Variants in MYO1E observed in about 807,000 individuals in gnomAD.
The protein encoded by MYO1E is unconventional myosin-Ie.
In MYO1E, 68 loss-of-function variants were observed where a neutral mutation model predicts 151.1. That is an observed-to-expected ratio of 0.45 (90% CI 0.37 to 0.55). The LOEUF is 0.55. MYO1E is among the 20% of genes least tolerant of loss of function. The probability of loss-of-function intolerance (pLI) is 0.00; values close to 1 mark genes in which losing one functional copy is unlikely to be tolerated. For missense variants in MYO1E, 1,363 were observed against 1,389.3 expected (o/e 0.98, Z 0.30); for synonymous variants, 601 against 501.7 (o/e 1.20, Z -2.64).
chr15:59,351,940 G>A (rs1468745080), intron 1 of MYO1E, among the ~76,000 whole-genome samples: 7 of 152,142 alleles, frequency 4.6e-5, no homozygotes, highest in African/African-American at 7.2e-5. Context: ...GCTATTGATC[G>A]TCCCCATTCT....
chr15:59,278,144 G>T (rs2080332067), intron 1 of MYO1E, among the ~76,000 whole-genome samples: 1 of 152,222 alleles, frequency 6.6e-6, no homozygotes, highest in South Asian at 2.1e-4. Flanking sequence ...GGTTTGAAAG[G>T]TGATTGGAAG....
chr15:59,256,156 C>A, intron 4 of MYO1E, 128 bp downstream of exon 4: 1 of 703,752 alleles, frequency 1.4e-6, no homozygotes, highest in Non-Finnish European at 2.6e-6. Context: ...AACCTGCTTG[C>A]TACTCAGACA....
chr15:59,153,739 A>C lies in MYO1E; in HGVS notation c.2931T>G (p.Ala977=), dbSNP rs1303778118. The part of the protein sequence containing the change: ...IRNQYVPYPH[A]PGSQRSNQKS... ...TCTGATTGGACCTCTGGCTTCCAGG[A>C]GCATGGGGATATGGCACATACTGGT... Residue 977 remains alanine, a synonymous_variant, in exon 26 of 28, where the codon GCT becomes GCG. Coordinates refer to ENST00000288235, the MANE Select transcript of MYO1E (RefSeq NM_004998.4). 1.2e-5 allele frequency: 19 copies of C among 1,613,978 alleles called. No homozygotes were observed. The highest frequency in any genetic ancestry group is 1.6e-5 in the Non-Finnish European group (19 of 1,180,004).
chr15:59,207,232 G>A (rs1212930642), intron 14 of MYO1E: 3 of 1,614,122 alleles, frequency 1.9e-6, no homozygotes, highest in African/African-American at 2.7e-5. Flanking sequence ...TGATGAACTT[G>A]CCCTTGTGGA....
chr15:59,329,895 A>AG (rs761507224), intron 1 of MYO1E, among the ~76,000 whole-genome samples: 207 of 152,326 alleles, frequency 1.4e-3, no homozygotes, highest in Non-Finnish European at 2.4e-3. Flanking sequence ...TTATTCATGG[A>AG]GGGAAAAAAC....
chr15:59,218,182 CGT>C lies in MYO1E; in HGVS notation c.911-97_911-96del, dbSNP rs764131844. The C allele has an allele frequency of 2.5e-5, 36 of 1,440,116 alleles. No homozygotes were observed. The African/African-American group carries it at 4.3e-4, about 17-fold the overall frequency. 89.2% of individuals were successfully genotyped at this position (1,440,116 alleles called of 1,614,324 possible). A position where few individuals can be genotyped will look rare whatever the true frequency, so the allele number is the denominator to read the frequency against. On this transcript the variant is annotated intron_variant, in intron 9 of 27. Coordinates refer to ENST00000288235, the MANE Select transcript of MYO1E (RefSeq NM_004998.4). Reference sequence around the variant, plus strand: ...ATGGAGGCACTTATGTGCACATGCACGTGTGTGTGCATAGAAGGCACAATCAC... The same window carrying C: ...ATGGAGGCACTTATGTGCACATGCACGTGTGTGCATAGAAGGCACAATCAC...
At chr15:59,295,817 T>G (rs1278533982) in intron 1 of MYO1E, among the ~76,000 whole-genome samples, 2 of 152,160 alleles carry the variant, frequency 1.3e-5, no homozygotes, top group Admixed American at 6.5e-5. Context: ...TGTGCAAATT[T>G]CCGGTCCAGC....
intron 15 of MYO1E, among the ~76,000 whole-genome samples, chr15:59,204,647 T>C (rs1011401515): frequency 6.6e-6 from 1 of 152,152 alleles, no homozygotes; most frequent in Non-Finnish European, 1.5e-5. Context: ...GCAAGGGGGA[T>C]ACCCTCCCTC....
intron 4 of MYO1E, 63 bp from the exon 5 acceptor site, chr15:59,236,735 C>T: frequency 2.2e-6 from 3 of 1,358,514 alleles, no homozygotes; most frequent in Non-Finnish European, 1.1e-6. Flanking sequence ...CCTTCCTTGT[C>T]TCCCCCATCA....
intron 18 of MYO1E, among the ~76,000 whole-genome samples, chr15:59,187,693 G>A (rs1596357261): frequency 1.3e-5 from 2 of 152,210 alleles, no homozygotes; most frequent in African/African-American, 4.8e-5. Context: ...TTTATCAACT[G>A]ATGAATGCAT....
chr15:59,164,247 C>G (rs1276906734), intron 22 of MYO1E, among the ~76,000 whole-genome samples: 1 of 152,124 alleles, frequency 6.6e-6, no homozygotes, highest in Non-Finnish European at 1.5e-5. Flanking sequence ...GGCCACCACC[C>G]CAAAGACTAT....
intron 1 of MYO1E, among the ~76,000 whole-genome samples, chr15:59,337,964 A>G (rs2080739731): frequency 6.6e-6 from 1 of 152,262 alleles, no homozygotes; most frequent in African/African-American, 2.4e-5. Context: ...GATGTGGCTA[A>G]TATGGTTAAA....
At chr15:59,247,467 G>C (rs1469244852) in intron 4 of MYO1E, among the ~76,000 whole-genome samples, 1 of 152,178 alleles carries the variant, frequency 6.6e-6, no homozygotes, top group East Asian at 1.9e-4. Flanking sequence ...TTTGGATCTT[G>C]GAATTCTCTT....
At chr15:59,214,816 A>G in intron 10 of MYO1E, 96 bp from the exon 11 acceptor site, 1 of 918,410 alleles carries the variant, frequency 1.1e-6, no homozygotes, top group Non-Finnish European at 1.8e-6. Flanking sequence ...TACACGGCAA[A>G]CACTACTGCT....
rs1248893393 is a variant in MYO1E at position 59,161,356 on chromosome 15, C to G, written c.2628-126G>C. 41 of 1,086,372 alleles carry G rather than the reference C, an allele frequency of 3.8e-5. No individual in the cohort carries two copies. The African/African-American group carries it at 6.1e-4, about 16-fold the overall frequency. 67.3% of individuals were successfully genotyped at this position (1,086,372 alleles called of 1,614,324 possible). A position where few individuals can be genotyped will look rare whatever the true frequency, so the allele number is the denominator to read the frequency against. ...TGAGGCGAGAACGGACAATCTACAC[C>G]AGGAGCAGGGCCCTGAGGATGCGCA... On this transcript the variant is annotated intron_variant, in intron 23 of 27. Transcript: ENST00000288235.
chr15:59,232,478 G>A (rs1386698699), intron 5 of MYO1E, among the ~76,000 whole-genome samples: 1 of 152,206 alleles, frequency 6.6e-6, no homozygotes, highest in Non-Finnish European at 1.5e-5. Context: ...CCTGGCCTGG[G>A]GGGAAGGATT....
chr15:59,188,211 T>C lies in MYO1E; in HGVS notation c.1811A>G (p.Lys604Arg), dbSNP rs2079710724. 6.2e-7 allele frequency: 1 copy of C among 1,613,474 alleles called. No individual in the cohort carries two copies. Among genetic ancestry groups the C allele is most frequent in the Non-Finnish European group, 8.5e-7 (1 of 1,179,600 alleles). Residue 604 changes from lysine (K) to arginine (R), a missense_variant, in exon 18 of 28, where the codon AAG becomes AGG. Physicochemically the swap from Lys to Arg is conservative, Grantham distance 26 (BLOSUM62 2). Coordinates refer to ENST00000288235, the MANE Select transcript of MYO1E (RefSeq NM_004998.4). ...KPRDWEESRV[K>R]HQVEYLGLKE... The stretch of plus-strand genomic sequence containing the variant: ...CAGACCCAAATATTCGACTTGATGC[T>C]TTACCCTGTGCAAAGGAGAAAATGG...
chr15:59,151,061 G>GCT (rs1566964901), intron 26 of MYO1E, among the ~76,000 whole-genome samples: 5 of 148,628 alleles, frequency 3.4e-5, no homozygotes, highest in Admixed American at 6.6e-5. Context: ...GCGCGCGCGC[G>GCT]CACGTGCACT....
In MYO1E at chr15:59,372,516, G is replaced by C. The variant is rs1202981319; in HGVS notation, c.-16C>G. 2.0e-6 allele frequency: 3 copies of C among 1,535,780 alleles called. No homozygotes were observed. Among genetic ancestry groups the C allele is most frequent in the African/African-American group, 2.8e-5 (2 of 72,690 alleles). On this transcript the variant is annotated 5_prime_UTR_variant, in exon 1 of 28. Transcript: ENST00000288235. Reference sequence around the variant, plus strand: ...AACTCACCATGGTGACTCGCGCCGCGGTCGCGTCTTCGCCGGGTCCCGCTG... The same window carrying C: ...AACTCACCATGGTGACTCGCGCCGCCGTCGCGTCTTCGCCGGGTCCCGCTG...
Sources: gnomAD v4.1 joint callset for allele counts (sites outside exome capture counted in the v4.1 genomes callset) on GRCh38, gnomAD v4.1.1 for gene constraint, MANE v1.5 for transcripts, NCBI Gene and HGNC (gene_info 2026-07-23, HGNC 2026-07-21) for gene names.